Variants in NIPAL2 observed in about 807,000 individuals in gnomAD.
NIPAL2 encodes the protein NIPA like domain containing 2, also known as NIPA-like protein 2.
In NIPAL2, 43 loss-of-function variants were observed where a neutral mutation model predicts 48.9. The ratio of observed to expected loss-of-function variants is 0.88; its 90% CI spans 0.69 to 1.13. NIPAL2 has a LOEUF of 1.13. Ranked by LOEUF, NIPAL2 falls within the 50% of genes most tolerant of loss-of-function variation. The pLI, the probability that NIPAL2 is intolerant of heterozygous loss-of-function variation, is 0.00. For synonymous variants in NIPAL2, 167 were observed against 174.6 expected (o/e 0.96, Z 0.34); for missense variants, 446 against 461.4 (o/e 0.97, Z 0.31).
intron 6 of NIPAL2, among the ~76,000 whole-genome samples, chr8:98,208,779 G>A (rs991130151): frequency 5.9e-5 from 9 of 152,016 alleles, no homozygotes; most frequent in African/African-American, 2.2e-4. Context: ...CACCACTACT[G>A]GCAAAGTGGG....
chr8:98,222,409 C>G, intron 5 of NIPAL2, 70 bp downstream of exon 5: 1 of 1,473,940 alleles, frequency 6.8e-7, no homozygotes, highest in Non-Finnish European at 9.2e-7. Context: ...ATTATGTTCT[C>G]TAATATCTGC....
At chr8:98,214,371 C>T (rs567201616) in intron 5 of NIPAL2, among the ~76,000 whole-genome samples, 8 of 152,184 alleles carry the variant, frequency 5.3e-5, no homozygotes, top group Admixed American at 6.5e-5. Flanking sequence ...GCCATGTTGG[C>T]CATGTTGGTC....
intron 8 of NIPAL2, among the ~76,000 whole-genome samples, chr8:98,200,208 G>C (rs1289009867): frequency 1.3e-5 from 2 of 152,122 alleles, no homozygotes; most frequent in African/African-American, 4.8e-5. Flanking sequence ...TAGTTCAGTA[G>C]TGATAAGTAG....
At chr8:98,216,970 T>C (rs948750273) in intron 5 of NIPAL2, 29 of 788,470 alleles carry the variant, frequency 3.7e-5, no homozygotes, top group Middle Eastern at 6.5e-4. Context: ...ACAGGACTTA[T>C]AGCTTTTAAC....
At chr8:98,268,610 G>C (rs1814919524) in intron 1 of NIPAL2, among the ~76,000 whole-genome samples, 1 of 139,154 alleles carries the variant, frequency 7.2e-6, no homozygotes. Flanking sequence ...AACAGAGCAA[G>C]ACTGTCTCAA....
At chr8:98,233,017 T>G (rs1430179401) in intron 4 of NIPAL2, among the ~76,000 whole-genome samples, 1 of 152,172 alleles carries the variant, frequency 6.6e-6, no homozygotes, top group African/African-American at 2.4e-5. Flanking sequence ...CCCAGCACTT[T>G]GGGAGGCAGA....
At chr8:98,258,057 C>T (rs1302081329) in intron 1 of NIPAL2, among the ~76,000 whole-genome samples, 1 of 152,170 alleles carries the variant, frequency 6.6e-6, no homozygotes, top group African/African-American at 2.4e-5. Context: ...GAATAAATCT[C>T]CTCAAATATT....
In NIPAL2 at chr8:98,192,848, T is replaced by G; in HGVS notation, c.*130A>C. 1 of 647,500 alleles carries G rather than the reference T, an allele frequency of 1.5e-6. No homozygotes were observed. The highest frequency in any genetic ancestry group is 2.7e-5 in the East Asian group (1 of 36,818). 40.1% of individuals were successfully genotyped at this position (647,500 alleles called of 1,614,324 possible). ...CCCCGATTGTCCATAGACGCTGAGGTGGGGGAAAGGACTGAAATGAATGCT... is the reference window on the plus strand; with the variant it reads ...CCCCGATTGTCCATAGACGCTGAGGGGGGGGAAAGGACTGAAATGAATGCT... On this transcript the variant is annotated 3_prime_UTR_variant, in exon 11 of 11. Coordinates refer to ENST00000430223, the MANE Select transcript of NIPAL2 (RefSeq NM_001321635.2).
chr8:98,280,063 A>G (rs1010235675), intron 1 of NIPAL2, among the ~76,000 whole-genome samples: 1 of 152,240 alleles, frequency 6.6e-6, no homozygotes, highest in Admixed American at 6.5e-5. Flanking sequence ...GATATTTCAA[A>G]TTGACCTGTA....
chr8:98,221,363 C>CTTT (rs11383684), intron 5 of NIPAL2, among the ~76,000 whole-genome samples: 4 of 146,244 alleles, frequency 2.7e-5, no homozygotes, highest in Admixed American at 2.7e-4. Flanking sequence ...TCAACAAGGA[C>CTTT]TTTTTTTTTT....
At chr8:98,202,365 A>G (rs1810844436) in intron 8 of NIPAL2, among the ~76,000 whole-genome samples, 1 of 152,164 alleles carries the variant, frequency 6.6e-6, no homozygotes, top group Non-Finnish European at 1.5e-5. Context: ...TGCTTTGATG[A>G]TCAGAAGGGC....
chr8:98,280,306 G>A (rs1815723686), intron 1 of NIPAL2, among the ~76,000 whole-genome samples: 1 of 152,206 alleles, frequency 6.6e-6, no homozygotes, highest in South Asian at 2.1e-4. Context: ...TTTGAACACA[G>A]TAATGGTTGT....
intron 1 of NIPAL2, among the ~76,000 whole-genome samples, chr8:98,263,503 C>T (rs1304255847): frequency 6.6e-6 from 1 of 150,980 alleles, no homozygotes; most frequent in Non-Finnish European, 1.5e-5. Flanking sequence ...ACAAACACCT[C>T]TATGCAAATA....
intron 3 of NIPAL2, among the ~76,000 whole-genome samples, chr8:98,245,269 G>A (rs1248731964): frequency 6.6e-6 from 1 of 152,118 alleles, no homozygotes; most frequent in African/African-American, 2.4e-5. Flanking sequence ...ACCATATTGA[G>A]GTACTACTAC....
At chr8:98,234,863 T>C (rs901420361) in intron 4 of NIPAL2, among the ~76,000 whole-genome samples, 1 of 152,088 alleles carries the variant, frequency 6.6e-6, no homozygotes, top group African/African-American at 2.4e-5. Flanking sequence ...TGGCCATTCT[T>C]ATTTCTGAGT....
intron 1 of NIPAL2, among the ~76,000 whole-genome samples, chr8:98,266,512 C>G (rs1042398544): frequency 2.0e-5 from 3 of 148,606 alleles, no homozygotes; most frequent in African/African-American, 7.5e-5. Flanking sequence ...GAGATCATAC[C>G]ACTGCACTCC....
At chr8:98,209,314 T>C (rs1256799860) in intron 6 of NIPAL2, among the ~76,000 whole-genome samples, 1 of 151,992 alleles carries the variant, frequency 6.6e-6, no homozygotes, top group Non-Finnish European at 1.5e-5. Context: ...ACCAGTTTTA[T>C]TAAGACCACT....
intron 8 of NIPAL2, among the ~76,000 whole-genome samples, 183 bp downstream of exon 8, chr8:98,202,925 G>A (rs1810869104): frequency 6.6e-6 from 1 of 152,186 alleles, no homozygotes; most frequent in African/African-American, 2.4e-5. Flanking sequence ...TGACCCAGGA[G>A]GCAGAGAGCA....
At chr8:98,242,494 T>TGTTTTTTTTTTG (rs71273113) in intron 3 of NIPAL2, among the ~76,000 whole-genome samples, 12 of 141,460 alleles carry the variant, frequency 8.5e-5, no homozygotes, top group Admixed American at 2.8e-4. Context: ...ACAGATTTTT[T>TGTTTTTTTTTTG]TTTTTTTTTT....
Sources: gnomAD v4.1 joint callset for allele counts (sites outside exome capture counted in the v4.1 genomes callset) on GRCh38, gnomAD v4.1.1 for gene constraint, MANE v1.5 for transcripts, NCBI Gene and HGNC (gene_info 2026-07-23, HGNC 2026-07-21) for gene names.